Variants in WASHC4 observed in about 807,000 individuals in gnomAD.
The protein encoded by WASHC4 is WASH complex subunit 7.
WASHC4 carries 86 observed loss-of-function variants against 166.6 expected under a neutral mutation model. The ratio of observed to expected loss-of-function variants is 0.52; its 90% confidence interval spans 0.43 to 0.62. WASHC4 has a LOEUF of 0.62. Among genes scored for constraint, WASHC4 ranks in the 20% least tolerant of loss-of-function variants. WASHC4 has a pLI of 0.00. For synonymous variants in WASHC4, 446 were observed against 451.6 expected (o/e 0.99, Z 0.16); for missense variants, 1,262 against 1,382.4 (o/e 0.91, Z 1.38).
chr12:105,110,577 A>G (rs1221870448), intron 1 of WASHC4, among the ~76,000 whole-genome samples: 1 of 152,230 alleles, frequency 6.6e-6, no homozygotes, highest in Non-Finnish European at 1.5e-5. Flanking sequence ...TAATTTAACA[A>G]ATATCTTGGT....
intron 24 of WASHC4, chr12:105,147,409 C>T: frequency 2.1e-6 from 1 of 482,880 alleles, no homozygotes; most frequent in Non-Finnish European, 3.7e-6. Flanking sequence ...TTGAGGACAT[C>T]AGCACATTAA....
At chr12:105,140,829 CAAG>C in intron 16 of WASHC4, 67 bp from the exon 17 acceptor site, 1 of 1,138,604 alleles carries the variant, frequency 8.8e-7, no homozygotes, top group South Asian at 1.5e-5. Flanking sequence ...AAAAGATAAT[CAAG>C]AAGTTTTTCT....
chr12:105,161,424 A>G (rs1227683647), intron 29 of WASHC4, among the ~76,000 whole-genome samples: 2 of 152,190 alleles, frequency 1.3e-5, no homozygotes, highest in Non-Finnish European at 2.9e-5. Context: ...GTAATACTAT[A>G]GTTAACTTGG....
chr12:105,146,317 A>T lies in WASHC4; in HGVS notation c.2335-135A>T, dbSNP rs957598440. The T allele has an allele frequency of 3.7e-5, 23 of 619,896 alleles. No homozygotes were observed. The South Asian group carries it at 4.7e-4, about 13-fold the overall frequency. 38.4% of individuals were successfully genotyped at this position (619,896 alleles called of 1,614,324 possible). A position where few individuals can be genotyped will look rare whatever the true frequency, so the allele number is the denominator to read the frequency against. On this transcript the variant is annotated intron_variant, in intron 22 of 32. Coordinates refer to ENST00000332180, the MANE Select transcript of WASHC4 (RefSeq NM_015275.3). ...GATTTGTCTTTTAACGTTTGATCGT[A>T]CCTTTTATATAGTTCTTTAAAATAA... is the stretch of plus-strand genomic sequence containing the variant.
chr12:105,167,074 T>TAA lies in WASHC4; in HGVS notation c.*145_*146dup. ...GTTACAGTTCTTAAAGGCAGTGCTT[T>TAA]AAAGTGAAGTTCATTCTGTTTCCAA... On this transcript the variant is annotated 3_prime_UTR_variant, in exon 33 of 33. Transcript: ENST00000332180. 1 of 662,028 alleles carries TAA rather than the reference T, an allele frequency of 1.5e-6. No homozygotes were observed. The allele number at this position is 662,028 out of a possible 1,614,324, so 41.0% of individuals were successfully genotyped here. A position where few individuals can be genotyped will look rare whatever the true frequency, so the allele number is the denominator to read the frequency against.
chr12:105,149,358 A>G, intron 24 of WASHC4: 5 of 1,063,194 alleles, frequency 4.7e-6, no homozygotes, highest in Non-Finnish European at 5.7e-6. Flanking sequence ...TCCTATCATG[A>G]GAATATTTTC....
At chr12:105,146,388 G>A in intron 22 of WASHC4, 64 bp from the exon 23 acceptor site, 2 of 970,198 alleles carry the variant, frequency 2.1e-6, no homozygotes, top group South Asian at 1.3e-5. Context: ...TCATTATGCT[G>A]ATACAAGTTT....
chr12:105,164,904 T>G (rs1884720735), intron 32 of WASHC4, among the ~76,000 whole-genome samples, 164 bp downstream of exon 32: 1 of 152,228 alleles, frequency 6.6e-6, no homozygotes, highest in African/African-American at 2.4e-5. Context: ...ATAGATCTTG[T>G]GTGAAATTGA....
At position 105,126,373 on chromosome 12, in the gene WASHC4, G is replaced by C. The variant is rs1881284018; in HGVS notation, c.1038+11G>C. On this transcript the variant is annotated intron_variant, in intron 12 of 32. Coordinates refer to ENST00000332180, the MANE Select transcript of WASHC4 (RefSeq NM_015275.3). ...GACATTTGTAAGAAGGTAAGAACTT[G>C]AAACTTATTTTTCAATTTGAGCAGA... The C allele has an allele frequency of 1.9e-6, 3 of 1,545,770 alleles. No homozygotes were observed. Among genetic ancestry groups the C allele is most frequent in the Admixed American group, 1.7e-5 (1 of 59,368 alleles).
In WASHC4 at chr12:105,144,292, G is replaced by A. The variant is rs781429903; in HGVS notation, c.2016G>A (p.Leu672=). ...ATCAAATCTTTTGTGAATAGCATTTGCTGGACAAATTATGCAAAGAAATAG... is the reference window on the plus strand; with the variant it reads ...ATCAAATCTTTTGTGAATAGCATTTACTGGACAAATTATGCAAAGAAATAG... ...KEIMEILNEH[L]LDKLCKEIEK... The change falls in exon 21 of 33, where the codon TTG becomes TTA. Residue 672 remains leucine, a synonymous_variant. Coordinates refer to ENST00000332180, the MANE Select transcript of WASHC4 (RefSeq NM_015275.3). 1 of 1,611,894 alleles carries A rather than the reference G, an allele frequency of 6.2e-7. No homozygotes were observed. The highest frequency in any genetic ancestry group is 8.5e-7 in the Non-Finnish European group (1 of 1,178,596).
intron 8 of WASHC4, 37 bp from the exon 9 acceptor site, chr12:105,121,064 A>G: frequency 7.3e-7 from 1 of 1,365,982 alleles, no homozygotes; most frequent in Non-Finnish European, 1.0e-6. Context: ...ACTTCTAACT[A>G]GTGACTAAAT....
At chr12:105,135,759 C>T (rs987405530) in intron 14 of WASHC4, among the ~76,000 whole-genome samples, 3 of 152,102 alleles carry the variant, frequency 2.0e-5, no homozygotes, top group African/African-American at 7.2e-5. Flanking sequence ...TTATAGTTTA[C>T]AGTTCTCTTC....
At chr12:105,119,511 C>G (rs1880518909) in intron 7 of WASHC4, among the ~76,000 whole-genome samples, 1 of 152,120 alleles carries the variant, frequency 6.6e-6, no homozygotes, top group African/African-American at 2.4e-5. Context: ...TGCATATAAA[C>G]TCTTTATACT....
At chr12:105,149,936 ACTTTTT>A (rs938023281) in intron 25 of WASHC4, among the ~76,000 whole-genome samples, 187 bp downstream of exon 25, 33 of 152,180 alleles carry the variant, frequency 2.2e-4, no homozygotes, top group Non-Finnish European at 2.9e-5. Flanking sequence ...GCCAGGTGAT[ACTTTTT>A]CTTTATTTTA....
intron 14 of WASHC4, among the ~76,000 whole-genome samples, chr12:105,136,315 G>T (rs556606910): frequency 6.6e-6 from 1 of 152,126 alleles, no homozygotes; most frequent in Non-Finnish European, 1.5e-5. Context: ...AACCCTGAAT[G>T]CCAGGATCAC....
rs767585388 is a variant in WASHC4, at chr12:105,164,696, A to G, written c.3410A>G (p.Asp1137Gly). Reference sequence around the variant, plus strand: ...AGTGCAAGAATTTTCTTCAGAGCAGACAAGACTGCGGCTGAAGAAAACCAA... The same window carrying G: ...AGTGCAAGAATTTTCTTCAGAGCAGGCAAGACTGCGGCTGAAGAAAACCAA... ...LSSARIFFRA[D>G]KTAAEENQEK... Residue 1137 changes from aspartate (D) to glycine (G), a missense_variant, in exon 32 of 33, where the codon GAC (aspartate) becomes GGC (glycine). Transcript: ENST00000332180. 6.2e-7 allele frequency: 1 copy of G among 1,613,658 alleles called. No individual in the cohort carries two copies. The highest frequency in any genetic ancestry group is 1.7e-5 in the Admixed American group (1 of 60,004).
Position 105,167,018 on chromosome 12 carries a change from G to T in WASHC4, c.*87G>T. On this transcript the variant is annotated 3_prime_UTR_variant, in exon 33 of 33. Coordinates refer to ENST00000332180, the MANE Select transcript of WASHC4 (RefSeq NM_015275.3). The stretch of plus-strand genomic sequence containing the variant: ...GGAATGGATAAACTATTGATGAATT[G>T]TTTCCTGGGTCACATCTCTGGAAAA... 2 of 878,658 alleles carry T rather than the reference G, an allele frequency of 2.3e-6. No individual in the cohort carries two copies. The highest frequency in any genetic ancestry group is 3.8e-6 in the Non-Finnish European group (2 of 523,800). The allele number at this position is 878,658 out of a possible 1,614,324, so 54.4% of individuals were successfully genotyped here.
At chr12:105,123,132 G>A (rs931580490) in intron 10 of WASHC4, among the ~76,000 whole-genome samples, 2 of 152,138 alleles carry the variant, frequency 1.3e-5, no homozygotes, top group African/African-American at 4.8e-5. Flanking sequence ...TGGCCAAGAT[G>A]GTGAAACCTT....
chr12:105,145,873 G>A (rs1408191854), intron 22 of WASHC4, among the ~76,000 whole-genome samples: 1 of 152,046 alleles, frequency 6.6e-6, no homozygotes, highest in Non-Finnish European at 1.5e-5. Context: ...AAAGGGGTCT[G>A]GTGTGATCAA....
Sources: gnomAD v4.1 joint callset for allele counts (sites outside exome capture counted in the v4.1 genomes callset) on GRCh38, gnomAD v4.1.1 for gene constraint, MANE v1.5 for transcripts, NCBI Gene and HGNC (gene_info 2026-07-23, HGNC 2026-07-21) for gene names.